CFAP69: variants seen among roughly 807,000 people sequenced by gnomAD.
The protein encoded by CFAP69 is cilia and flagella associated protein 69, also known as cilia- and flagella-associated protein 69.
In CFAP69, 92 loss-of-function variants were observed where a neutral mutation model predicts 123.0. The observed-to-expected ratio is 0.75, with a 90% confidence interval of 0.63 to 0.89. CFAP69 has a LOEUF of 0.89. Among genes scored for constraint, CFAP69 ranks in the 40% least tolerant of loss-of-function variants. The pLI, the probability that CFAP69 is intolerant of heterozygous loss-of-function variation, is 0.00. For missense variants in CFAP69, 1,067 were observed against 1,096.9 expected (o/e 0.97, Z 0.39); for synonymous variants, 380 against 364.3 (o/e 1.04, Z -0.49).
At chr7:90,309,538 T>G (rs1341074312) in intron 22 of CFAP69, among the ~76,000 whole-genome samples, 171 bp downstream of exon 22, 1 of 151,812 alleles carries the variant, frequency 6.6e-6, no homozygotes, top group East Asian at 1.9e-4. Context: ...AATTTAAAAA[T>G]TAGAAGTTAA....
chr7:90,304,704 C>T (rs1353328734), intron 18 of CFAP69, 40 bp from the exon 19 acceptor site: 19 of 1,577,610 alleles, frequency 1.2e-5, no homozygotes, highest in Non-Finnish European at 1.6e-5. Context: ...GAATCACTTG[C>T]TCTGCTAAAG....
chr7:90,309,938 T>C, intron 22 of CFAP69, 130 bp from the exon 23 acceptor site: 4 of 682,788 alleles, frequency 5.9e-6, no homozygotes, highest in South Asian at 2.2e-5. Flanking sequence ...CTTTCTATTA[T>C]ACCATAACTG....
chr7:90,318,525 C>T, the CFAP69 span: 1 of 152,110 alleles, frequency 6.6e-6, no homozygotes, highest in South Asian at 2.1e-4. Flanking sequence ...ATAATACTGC[C>T]ATTAGTTTTG....
intron 8 of CFAP69, among the ~76,000 whole-genome samples, chr7:90,272,514 G>T (rs1800099646): frequency 6.6e-6 from 1 of 152,198 alleles, no homozygotes; most frequent in East Asian, 1.9e-4. Context: ...ACAGATTATT[G>T]TAAGATGCTA....
chr7:90,314,858 T>C (rs987112377), downstream of CFAP69, among the ~76,000 whole-genome samples: 4 of 151,412 alleles, frequency 2.6e-5, no homozygotes, highest in African/African-American at 9.7e-5. Flanking sequence ...CTCCCAATGC[T>C]ATCGCTCCCC....
intron 2 of CFAP69, among the ~76,000 whole-genome samples, chr7:90,256,088 A>G (rs1315096042): frequency 2.6e-5 from 4 of 152,186 alleles, no homozygotes; most frequent in African/African-American, 7.2e-5. Flanking sequence ...GATTTCCAAA[A>G]AGGAATACGT....
chr7:90,280,300 C>T (rs553284666), intron 12 of CFAP69, among the ~76,000 whole-genome samples: 124 of 152,262 alleles, frequency 8.1e-4, no homozygotes, highest in Non-Finnish European at 1.4e-3. Context: ...TGGGCTCTAG[C>T]GATCCTCCCA....
At chr7:90,292,336 T>A (rs1791326378) in intron 15 of CFAP69, among the ~76,000 whole-genome samples, 3 of 152,180 alleles carry the variant, frequency 2.0e-5, no homozygotes, top group Admixed American at 2.0e-4. Flanking sequence ...GAAAGTGACA[T>A]TCTTTACTTA....
At position 90,300,096 on chromosome 7, in the gene CFAP69, T is replaced by C. The variant is rs750320068; in HGVS notation, c.2050+37T>C. Reference sequence around the variant, plus strand: ...TATAATTGTTAGTAGAAGCAATTAATGTATATATTTTAAAAGATCTTTAAA... The same window carrying C: ...TATAATTGTTAGTAGAAGCAATTAACGTATATATTTTAAAAGATCTTTAAA... On this transcript the variant is annotated intron_variant, in intron 17 of 22. Coordinates refer to ENST00000389297, the MANE Select transcript of CFAP69 (RefSeq NM_001039706.3). 8.4e-6 allele frequency: 12 copies of C among 1,425,708 alleles called. No homozygotes were observed. The South Asian group carries it at 2.0e-4, about 23-fold the overall frequency. The allele number at this position is 1,425,708 out of a possible 1,614,324, so 88.3% of individuals were successfully genotyped here.
chr7:90,309,108 C>A (rs1794007111), intron 21 of CFAP69, among the ~76,000 whole-genome samples, 155 bp from the exon 22 acceptor site: 1 of 152,102 alleles, frequency 6.6e-6, no homozygotes, highest in South Asian at 2.1e-4. Context: ...TAATAACTGT[C>A]TTTTTAGTCT....
At chr7:90,280,061 T>C (rs1346788348) in intron 12 of CFAP69, among the ~76,000 whole-genome samples, 168 bp downstream of exon 12, 1 of 152,204 alleles carries the variant, frequency 6.6e-6, no homozygotes, top group Non-Finnish European at 1.5e-5. Flanking sequence ...AAAACACAGA[T>C]TTTAAAGTCA....
intron 14 of CFAP69, among the ~76,000 whole-genome samples, chr7:90,286,948 C>T (rs897165424): frequency 2.6e-5 from 4 of 151,042 alleles, no homozygotes; most frequent in South Asian, 2.1e-4. Context: ...ATTAGCCAGG[C>T]GTTGTGGTGT....
At chr7:90,288,596 TAGTA>T (rs1280043960) in intron 15 of CFAP69, among the ~76,000 whole-genome samples, 3 of 152,094 alleles carry the variant, frequency 2.0e-5, no homozygotes, top group Non-Finnish European at 4.4e-5. Context: ...TGTAACACAA[TAGTA>T]AGTATTGTGT....
At chr7:90,251,530 T>C (rs1797002053) in intron 1 of CFAP69, among the ~76,000 whole-genome samples, 1 of 152,228 alleles carries the variant, frequency 6.6e-6, no homozygotes. Context: ...GTTTTGTTTA[T>C]ATGTTCAGTC....
In CFAP69 at chr7:90,277,140, T is replaced by A; in HGVS notation, c.1033+19T>A. ...AATGAAGGTAAAAAGAATAAAACTT[T>A]AAACTTCTTATAATTATCTTGATAA... On this transcript the variant is annotated intron_variant, in intron 10 of 22. Transcript: ENST00000389297. 1 of 1,574,018 alleles carries A rather than the reference T, an allele frequency of 6.4e-7. No individual in the cohort carries two copies. The highest frequency in any genetic ancestry group is 8.6e-7 in the Non-Finnish European group (1 of 1,160,964).
At chr7:90,255,043 C>A (rs1179454197) in intron 1 of CFAP69, among the ~76,000 whole-genome samples, 4 of 152,132 alleles carry the variant, frequency 2.6e-5, no homozygotes, top group Non-Finnish European at 5.9e-5. Context: ...TTGAGAAAAG[C>A]AATCTCCTAC....
chr7:90,265,713 T>C lies in CFAP69; in HGVS notation c.433+336T>C, dbSNP rs1271199732. On this transcript the variant is annotated intron_variant, in intron 5 of 22. Transcript: ENST00000389297. ...CCCTTTTTAAATAATCACAAAAACA[T>C]TTCAACTTTGAACTCTAATATTGAA... Among the ~76,000 whole-genome samples the C allele has an allele frequency of 2.0e-5, 3 of 152,178 alleles. No individual in the cohort carries two copies. The East Asian group carries it at 5.8e-4, about 29-fold the overall frequency.
chr7:90,265,245 C>T (rs2116821402), intron 4 of CFAP69, 56 bp from the exon 5 acceptor site: 1 of 1,069,688 alleles, frequency 9.3e-7, no homozygotes, highest in South Asian at 1.3e-5. Flanking sequence ...ACAAATGATG[C>T]TTCAATTAAA....
intron 17 of CFAP69, chr7:90,300,285 T>A (rs1297536850): frequency 3.4e-6 from 3 of 877,312 alleles, no homozygotes; most frequent in African/African-American, 5.9e-5. Flanking sequence ...TGGTATTTAA[T>A]TATATTCTTT....
Sources: gnomAD v4.1 joint callset for allele counts (sites outside exome capture counted in the v4.1 genomes callset) on GRCh38, gnomAD v4.1.1 for gene constraint, MANE v1.5 for transcripts, NCBI Gene and HGNC (gene_info 2026-07-23, HGNC 2026-07-21) for gene names.